The following FXR1 variants were observed in gnomAD, a reference collection of about 807,000 sequenced individuals.
FXR1 encodes FMR1 autosomal homolog 1.
FXR1 carries 15 observed loss-of-function variants against 84.0 expected under a neutral mutation model. That is an observed-to-expected ratio of 0.18 (90% CI 0.12 to 0.27). FXR1 has a LOEUF of 0.27. Among genes scored for constraint, FXR1 ranks in the 10% least tolerant of loss-of-function variants. The probability of loss-of-function intolerance (pLI) is 1.00; values close to 1 mark genes in which losing one functional copy is unlikely to be tolerated. For missense variants in FXR1, 480 were observed against 774.4 expected, an observed-to-expected ratio of 0.62 and a Z score of 4.51; for synonymous variants, 245 against 250.7, an observed-to-expected ratio of 0.98 and a Z score of 0.21.
chr3:180,926,608 A>T (rs1719258900), intron 1 of FXR1, among the ~76,000 whole-genome samples: 1 of 151,082 alleles, frequency 6.6e-6, no homozygotes, highest in African/African-American at 2.4e-5. Flanking sequence ...TGAGAGTTAC[A>T]CTTTTAGGGT....
rs141128839 is a variant in FXR1, at chr3:180,928,990, C to G, written c.52-4344C>G. ...TAGGCTGGAGTGCAATGCGCTTTCT[C>G]GGCTCACTGCAGCCTCCACCTCCTG... On this transcript the variant is annotated intron_variant, in intron 1 of 16. Transcript: ENST00000357559. 2.0e-5 allele frequency among the ~76,000 whole-genome samples: 3 copies of G among 151,928 alleles called. No homozygotes were observed. In the South Asian group the frequency reaches 6.2e-4, roughly 32 times the overall value.
chr3:180,970,128 G>A (rs762741125), intron 14 of FXR1, 30 bp from the exon 15 acceptor site: 7 of 1,242,948 alleles, frequency 5.6e-6, no homozygotes, highest in East Asian at 4.7e-5. Context: ...ACTCTTAAAC[G>A]AATATTTCTT....
intron 11 of FXR1, 86 bp from the exon 12 acceptor site, chr3:180,962,797 G>C: frequency 1.2e-6 from 1 of 848,334 alleles, no homozygotes; most frequent in Non-Finnish European, 1.9e-6. Context: ...TCACAGCTTT[G>C]ATAGGGAGTA....
intron 10 of FXR1, among the ~76,000 whole-genome samples, chr3:180,959,340 A>AT (rs1711781194): frequency 6.7e-6 from 1 of 148,830 alleles, no homozygotes; most frequent in African/African-American, 2.5e-5. Context: ...TTTTTATGAG[A>AT]ATGTTTAGTG....
chr3:180,912,676 C>A lies in FXR1; in HGVS notation c.-10C>A. On this transcript the variant is annotated 5_prime_UTR_variant, in exon 1 of 17. Transcript: ENST00000357559. ...TAGAATCTCTTCCCAGCGGCCTTTG[C>A]GGTTCCAACATGGCGGAGCTGACGG... 2 of 1,612,056 alleles carry A rather than the reference C, an allele frequency of 1.2e-6. No individual in the cohort carries two copies. The highest frequency in any genetic ancestry group is 3.3e-5 in the Admixed American group (2 of 59,962).
intron 1 of FXR1, among the ~76,000 whole-genome samples, chr3:180,927,155 C>T (rs560662032): frequency 1.3e-5 from 2 of 152,144 alleles, no homozygotes; most frequent in East Asian, 3.9e-4. Context: ...ACATTACTAC[C>T]AGACTCAATC....
At chr3:180,920,103 G>A (rs957481813) in intron 1 of FXR1, among the ~76,000 whole-genome samples, 8 of 152,100 alleles carry the variant, frequency 5.3e-5, no homozygotes, top group Non-Finnish European at 1.2e-4. Flanking sequence ...TATTATTGTT[G>A]GCAAAGGGAT....
chr3:180,975,523 T>C (rs1215458011), intron 16 of FXR1, 119 bp downstream of exon 16: 1 of 485,110 alleles, frequency 2.1e-6, no homozygotes, highest in Non-Finnish European at 3.7e-6. Flanking sequence ...AATACTATTT[T>C]AGTTAAAGAC....
At chr3:180,975,995 C>A (rs2108500012) in intron 16 of FXR1, 127 bp from the exon 17 acceptor site, 2 of 635,004 alleles carry the variant, frequency 3.1e-6, no homozygotes, top group South Asian at 4.6e-5. Context: ...TGTTTTAATA[C>A]TTTGATCCAT....
rs1268236744 is a variant in FXR1 at position 180,948,830 on chromosome 3, A to AT, written c.513+18dup. The AT allele has an allele frequency of 9.3e-7, 1 of 1,077,924 alleles. No homozygotes were observed. Among genetic ancestry groups the AT allele is most frequent in the Admixed American group, 1.8e-5 (1 of 55,206 alleles). 66.8% of individuals were successfully genotyped at this position (1,077,924 alleles called of 1,614,324 possible). A position where few individuals can be genotyped will look rare whatever the true frequency, so the allele number is the denominator to read the frequency against. On this transcript the variant is annotated intron_variant, in intron 6 of 16. Transcript: ENST00000357559. ...AATGATACTGGTAAGATAGTACCAT[A>AT]TTATAAGGTAGCTTATTAATGGATA...
At chr3:180,939,477 TGAAAG>T (rs1298250321) in intron 3 of FXR1, among the ~76,000 whole-genome samples, 2 of 152,118 alleles carry the variant, frequency 1.3e-5, no homozygotes, top group Non-Finnish European at 2.9e-5. Flanking sequence ...AACTGCCAAA[TGAAAG>T]AGATGCATGA....
At chr3:180,969,363 C>T (rs1453966118) in intron 14 of FXR1, among the ~76,000 whole-genome samples, 1 of 152,126 alleles carries the variant, frequency 6.6e-6, no homozygotes, top group Non-Finnish European at 1.5e-5. Flanking sequence ...CTAGCTGTTA[C>T]CAAAGGAATC....
chr3:180,961,367 AGGTGT>A (rs1712087246), intron 10 of FXR1, 96 bp from the exon 11 acceptor site: 2 of 116,176 alleles, frequency 1.7e-5, no homozygotes, highest in East Asian at 2.1e-4. Context: ...AAAAAAAAAA[AGGTGT>A]GTGTGTGTGT....
At chr3:180,940,580 G>GTTTTTTTTTTT (rs746815811) in intron 3 of FXR1, among the ~76,000 whole-genome samples, 3 of 146,112 alleles carry the variant, frequency 2.1e-5, no homozygotes, top group African/African-American at 8.1e-5. Flanking sequence ...GTTTTTTTCT[G>GTTTTTTTTTTT]TTTTCTTTTT....
At chr3:180,961,670 A>T in intron 11 of FXR1, 116 bp downstream of exon 11, 1 of 531,096 alleles carries the variant, frequency 1.9e-6, no homozygotes, top group Non-Finnish European at 3.4e-6. Context: ...ATTTGAAGTA[A>T]ACTTCAAATC....
intron 1 of FXR1, among the ~76,000 whole-genome samples, chr3:180,913,603 G>C (rs1227412918): frequency 1.3e-5 from 2 of 152,130 alleles, no homozygotes; most frequent in African/African-American, 4.8e-5. Context: ...GCTGAAAAAC[G>C]TAAGAGGAAT....
chr3:180,960,726 A>G (rs904112932), intron 10 of FXR1, among the ~76,000 whole-genome samples: 4 of 152,156 alleles, frequency 2.6e-5, no homozygotes, highest in African/African-American at 9.7e-5. Context: ...CAGCCTCCCA[A>G]AGTGCTAGGA....
intron 15 of FXR1, among the ~76,000 whole-genome samples, chr3:180,972,444 AC>A (rs1224548774): frequency 6.6e-6 from 1 of 152,140 alleles, no homozygotes; most frequent in Non-Finnish European, 1.5e-5. Flanking sequence ...TGACAGTGAG[AC>A]CCTGTCTCAA....
intron 2 of FXR1, among the ~76,000 whole-genome samples, chr3:180,934,933 A>G (rs868850133): frequency 3.9e-5 from 6 of 152,168 alleles, no homozygotes; most frequent in Admixed American, 2.0e-4. Context: ...ATTGTTAACA[A>G]TTATGTTAAT....
Sources: gnomAD v4.1 joint callset for allele counts (sites outside exome capture counted in the v4.1 genomes callset) on GRCh38, gnomAD v4.1.1 for gene constraint, MANE v1.5 for transcripts, NCBI Gene and HGNC (gene_info 2026-07-23, HGNC 2026-07-21) for gene names.